KMT2E: variants seen among roughly 807,000 people sequenced by gnomAD.
KMT2E encodes histone reader KMT2E.
In KMT2E, 30 loss-of-function variants were observed where a neutral mutation model predicts 184.6. The observed-to-expected ratio is 0.16, with a 90% CI of 0.12 to 0.22. The LOEUF (loss-of-function observed/expected upper bound fraction) is 0.22, where lower values mean the gene tolerates loss of function less well. Ranked by LOEUF, KMT2E falls within the 10% of genes least tolerant of loss-of-function variation. KMT2E has a pLI of 1.00. For missense variants in KMT2E, 2,023 were observed against 2,237.4 expected (o/e 0.90, Z 1.93); for synonymous variants, 815 against 776.5 (o/e 1.05, Z -0.82).
chr7:105,033,477 T>A lies in KMT2E; in HGVS notation c.-188-4649T>A, dbSNP rs529402074. ...ATAGAAGGTTTTTTGTATTTTTGTT[T>A]GTTTTGCTTTTTTTTGTTGCTTTTT... On this transcript the variant is annotated intron_variant, in intron 1 of 26. Coordinates refer to ENST00000311117, the MANE Select transcript of KMT2E (RefSeq NM_182931.3). Among the ~76,000 whole-genome samples the A allele has an allele frequency of 6.6e-5, 10 of 152,236 alleles. No homozygotes were observed. The South Asian group carries it at 2.1e-3, about 32-fold the overall frequency.
intron 15 of KMT2E, among the ~76,000 whole-genome samples, chr7:105,096,019 C>G (rs1050207123): frequency 6.6e-6 from 1 of 152,078 alleles, no homozygotes; most frequent in Non-Finnish European, 1.5e-5. Flanking sequence ...CTTTGGGAGG[C>G]CAAGGTGGGT....
chr7:105,049,886 C>T (rs113408198), intron 3 of KMT2E, among the ~76,000 whole-genome samples: 5 of 151,966 alleles, frequency 3.3e-5, no homozygotes, highest in East Asian at 3.9e-4. Flanking sequence ...AGCAAAACTC[C>T]GTCTCAAAAA....
chr7:105,093,614 G>A (rs1329841983), intron 15 of KMT2E, among the ~76,000 whole-genome samples: 1 of 152,100 alleles, frequency 6.6e-6, no homozygotes, highest in Non-Finnish European at 1.5e-5. Context: ...AACCTGGGAG[G>A]CGGAGGTTGC....
intron 7 of KMT2E, 143 bp downstream of exon 7, chr7:105,073,820 ATC>A (rs1797426400): frequency 5.6e-6 from 3 of 531,106 alleles, no homozygotes; most frequent in Admixed American, 7.0e-5. Context: ...AGAGTATGCA[ATC>A]TCTGGTATAG....
chr7:105,019,411 C>T (rs1454625728), intron 1 of KMT2E, among the ~76,000 whole-genome samples: 1 of 152,154 alleles, frequency 6.6e-6, no homozygotes, highest in South Asian at 2.1e-4. Flanking sequence ...TATTGGAAAT[C>T]TCGTTTGGTT....
At position 105,102,139 on chromosome 7, in the gene KMT2E, A is replaced by T; in HGVS notation, c.2141A>T (p.Glu714Val). The change falls in exon 17 of 27, where the codon GAA becomes GTA. Residue 714 changes from glutamate (E) to valine (V), a missense_variant. This residue lies in a region of KMT2E where 514 missense variants were observed against 621.8 expected (regional missense o/e 0.83). Coordinates refer to ENST00000311117, the MANE Select transcript of KMT2E (RefSeq NM_182931.3). ...ACTGCACTAGCAGAAATAATTACTG[A>T]AACTGAAGTTCCAGCACTTAATAAA... ...TETALAEIIT[E>V]TEVPALNKCP... The T allele has an allele frequency of 6.2e-7, 1 of 1,612,376 alleles. No individual in the cohort carries two copies. The highest frequency in any genetic ancestry group is 1.1e-5 in the South Asian group (1 of 90,884).
rs575427215 is a variant in KMT2E, at chr7:105,113,367, G to T, written c.*34G>T. On this transcript the variant is annotated 3_prime_UTR_variant, in exon 27 of 27. Transcript: ENST00000311117. The stretch of plus-strand genomic sequence containing the variant: ...CCAAAAACATTTTTTTAAATGTTCT[G>T]TAAGATAAACTGTATATTTCATATG... 6.3e-7 allele frequency: 1 copy of T among 1,579,052 alleles called. No individual in the cohort carries two copies. Among genetic ancestry groups the T allele is most frequent in the South Asian group, 1.1e-5 (1 of 87,586 alleles).
Position 105,111,463 on chromosome 7 carries a change from T to C in KMT2E, c.4069-362T>C, listed in dbSNP as rs562283008. Among the ~76,000 whole-genome samples the C allele has an allele frequency of 9.9e-5, 15 of 152,222 alleles. 3 individuals carry two copies. Among genetic ancestry groups the C allele is most frequent in the Admixed American group, 9.2e-4 (14 of 15,288 alleles). On this transcript the variant is annotated intron_variant, in intron 26 of 26. Transcript: ENST00000311117. Reference sequence around the variant, plus strand: ...AATCAATTTATCCTTAGGTTGGGTATAGAAATTTCAATTATAAAATTGAAA... The same window carrying C: ...AATCAATTTATCCTTAGGTTGGGTACAGAAATTTCAATTATAAAATTGAAA...
At position 105,111,903 on chromosome 7, in the gene KMT2E, A is replaced by G; in HGVS notation, c.4147A>G (p.Thr1383Ala). Reference protein sequence around the residue: ...FTKPDPQWDSTVSASEAENGV... With the variant: ...FTKPDPQWDSAVSASEAENGV... ...AAAACCAGATCCCCAATGGGACTCC[A>G]CAGTTAGTGCATCCGAAGCTGAAAA... The change falls in exon 27 of 27, where the codon ACA becomes GCA. Residue 1383 changes from threonine (T) to alanine (A), a missense_variant. By Grantham distance (58) the Thr-to-Ala change is moderately conservative (BLOSUM62 0). Coordinates refer to ENST00000311117, the MANE Select transcript of KMT2E (RefSeq NM_182931.3). The G allele has an allele frequency of 6.2e-7, 1 of 1,614,196 alleles. No homozygotes were observed. Among genetic ancestry groups the G allele is most frequent in the Non-Finnish European group, 8.5e-7 (1 of 1,180,026 alleles).
intron 3 of KMT2E, among the ~76,000 whole-genome samples, chr7:105,047,976 G>A (rs1467664164): frequency 6.6e-6 from 1 of 152,198 alleles, no homozygotes; most frequent in Non-Finnish European, 1.5e-5. Flanking sequence ...TTAGGAAAAA[G>A]AAATGGAAAT....
chr7:105,024,432 C>T (rs6948885), intron 1 of KMT2E, among the ~76,000 whole-genome samples: 47,091 of 151,938 alleles, frequency 0.31, 7,658 homozygotes, highest in Non-Finnish European at 0.36. Flanking sequence ...CCATCCTGGA[C>T]GTGTAAAGGA....
At chr7:105,034,156 T>C (rs1037547258) in intron 1 of KMT2E, among the ~76,000 whole-genome samples, 16 of 152,228 alleles carry the variant, frequency 1.1e-4, no homozygotes, top group African/African-American at 3.9e-4. Context: ...ACAAATCTTA[T>C]TCAAACCATA....
At chr7:105,042,991 C>G (rs1037909279) in intron 3 of KMT2E, among the ~76,000 whole-genome samples, 7 of 152,132 alleles carry the variant, frequency 4.6e-5, no homozygotes, top group Middle Eastern at 3.4e-3. Flanking sequence ...GAGGTTTTAC[C>G]TAAGATCTAA....
intron 17 of KMT2E, chr7:105,104,778 A>G (rs1287404967): frequency 6.6e-6 from 1 of 152,216 alleles, no homozygotes; most frequent in Admixed American, 6.5e-5. Context: ...GATTTTTCTA[A>G]CAGATGGAAC....
intron 1 of KMT2E, among the ~76,000 whole-genome samples, chr7:105,017,630 C>G (rs1234862551): frequency 6.6e-6 from 1 of 151,864 alleles, no homozygotes; most frequent in African/African-American, 2.4e-5. Context: ...TTTTTGTTCC[C>G]AGAGAGTTTT....
At chr7:105,063,145 A>C (rs969536823) in intron 4 of KMT2E, among the ~76,000 whole-genome samples, 2 of 151,970 alleles carry the variant, frequency 1.3e-5, no homozygotes, top group South Asian at 4.1e-4. Context: ...GACCACTCCC[A>C]CTTTGTAGAT....
At chr7:105,035,553 A>C (rs1296025971) in intron 1 of KMT2E, among the ~76,000 whole-genome samples, 1 of 150,274 alleles carries the variant, frequency 6.7e-6, no homozygotes, top group Non-Finnish European at 1.5e-5. Context: ...TTGTTCCTTT[A>C]TATTGCTGAG....
intron 1 of KMT2E, among the ~76,000 whole-genome samples, chr7:105,035,545 G>A (rs932227999): frequency 5.9e-5 from 9 of 151,284 alleles, no homozygotes; most frequent in Middle Eastern, 3.2e-3. Flanking sequence ...TTGATAGTTT[G>A]TTCCTTTATA....
chr7:105,082,018 C>G (rs1797778452), intron 13 of KMT2E, among the ~76,000 whole-genome samples: 1 of 152,102 alleles, frequency 6.6e-6, no homozygotes, highest in Admixed American at 6.5e-5. Flanking sequence ...TGTAAATGTT[C>G]ACAGTAATTA....
Sources: allele counts gnomAD v4.1 joint callset (sites outside exome capture counted in the v4.1 genomes callset), GRCh38; gene constraint gnomAD v4.1.1; regional missense constraint gnomAD v4.1.1; transcripts MANE v1.5; gene names NCBI Gene and HGNC (gene_info 2026-07-23, HGNC 2026-07-21).